Variants in NTM observed in about 807,000 individuals in gnomAD.
NTM encodes the protein IgLON family member 2.
A neutral mutation model predicts 42.1 loss-of-function variants in NTM; 13 were observed. The ratio of observed to expected loss-of-function variants is 0.31; its 90% CI spans 0.20 to 0.49. NTM has a LOEUF of 0.49. Among genes scored for constraint, NTM ranks in the 20% least tolerant of loss-of-function variants. NTM has a pLI of 0.99. For missense variants in NTM, 373 were observed against 452.8 expected (o/e 0.82, Z 1.60); for synonymous variants, 187 against 179.2 (o/e 1.04, Z -0.35).
chr11:131,424,308 G>A (rs1042024725), intron 1 of NTM, among the ~76,000 whole-genome samples: 2 of 152,096 alleles, frequency 1.3e-5, no homozygotes, highest in African/African-American at 4.8e-5. Flanking sequence ...AGGCTGCCAG[G>A]AGCTCAGTGC....
chr11:131,626,080 ATAAAT>A (rs1475589365), intron 1 of NTM, among the ~76,000 whole-genome samples: 2 of 152,144 alleles, frequency 1.3e-5, no homozygotes, highest in Non-Finnish European at 2.9e-5. Flanking sequence ...AAGGGATGAG[ATAAAT>A]TCAATTTATT....
intron 3 of NTM, among the ~76,000 whole-genome samples, chr11:132,172,841 A>C (rs1158525258): frequency 6.6e-6 from 1 of 152,176 alleles, no homozygotes; most frequent in Non-Finnish European, 1.5e-5. Context: ...CTTTGTTTCG[A>C]TCGCTTTTGC....
chr11:132,142,125 C>T (rs866513499), intron 2 of NTM, among the ~76,000 whole-genome samples: 23 of 152,252 alleles, frequency 1.5e-4, no homozygotes, highest in South Asian at 1.2e-3. Context: ...AGGTTGTGGA[C>T]GAAAGGGGAG....
chr11:131,501,250 T>C (rs1300780863), intron 1 of NTM, among the ~76,000 whole-genome samples: 1 of 151,898 alleles, frequency 6.6e-6, no homozygotes, highest in Non-Finnish European at 1.5e-5. Flanking sequence ...GTGGTGAGTG[T>C]TGTGAAGAAT....
chr11:132,270,828 G>A (rs1243585790), intron 4 of NTM, among the ~76,000 whole-genome samples: 2 of 152,010 alleles, frequency 1.3e-5, no homozygotes, highest in Non-Finnish European at 2.9e-5. Flanking sequence ...CTTTGTGTAT[G>A]TGTGTATTAC....
intron 1 of NTM, among the ~76,000 whole-genome samples, chr11:131,543,628 C>T (rs1391077623): frequency 2.0e-5 from 3 of 152,204 alleles, no homozygotes; most frequent in African/African-American, 7.2e-5. Flanking sequence ...TAGCAGCTCC[C>T]ACATGAGCTG....
chr11:132,189,262 A>C (rs1228634610), intron 3 of NTM, among the ~76,000 whole-genome samples: 4 of 152,190 alleles, frequency 2.6e-5, no homozygotes, highest in Non-Finnish European at 5.9e-5. Context: ...CTGGGAAAGA[A>C]ATAGCCCAAA....
chr11:131,968,391 A>G (rs145920070), intron 2 of NTM, among the ~76,000 whole-genome samples: 1 of 152,254 alleles, frequency 6.6e-6, no homozygotes, highest in Non-Finnish European at 1.5e-5. Flanking sequence ...GCCATTGAAC[A>G]GTTCATGATC....
intron 2 of NTM, among the ~76,000 whole-genome samples, chr11:132,048,194 G>A (rs965170709): frequency 1.1e-4 from 16 of 152,094 alleles, no homozygotes; most frequent in Non-Finnish European, 2.2e-4. Flanking sequence ...CCAATCCCTG[G>A]GGATCCTCTC....
At chr11:131,538,018 C>T (rs751406238) in intron 1 of NTM, 20 of 152,346 alleles carry the variant, frequency 1.3e-4, no homozygotes, top group Non-Finnish European at 1.9e-4. Context: ...CATTTTGTGA[C>T]GCAGCCTCTG....
intron 1 of NTM, among the ~76,000 whole-genome samples, chr11:131,824,538 G>A (rs576911448): frequency 2.0e-5 from 3 of 152,276 alleles, no homozygotes; most frequent in South Asian, 4.1e-4. Context: ...ATTCTGCTTG[G>A]ACTACATTTA....
Position 131,744,255 on chromosome 11 carries a change from A to G in NTM, c.83-167309A>G, listed in dbSNP as rs372415935. On this transcript the variant is annotated intron_variant, in intron 1 of 8. Coordinates refer to ENST00000683400, the MANE Select transcript of NTM (RefSeq NM_001352005.2). ...TGCTAAGTATTACTAAATTCCATAC[A>G]AATAATTTGCAATTTAACATCTAAA... 1.7e-3 allele frequency among the ~76,000 whole-genome samples: 264 copies of G among 152,346 alleles called. 2 individuals carry two copies. The highest frequency in any genetic ancestry group is 6.1e-3 in the African/African-American group (253 of 41,584).
chr11:132,129,624 T>C (rs2066469810), intron 2 of NTM, among the ~76,000 whole-genome samples: 1 of 152,266 alleles, frequency 6.6e-6, no homozygotes, highest in Admixed American at 6.5e-5. Flanking sequence ...CTGTGGGCTC[T>C]ACCTCAAAGT....
chr11:131,831,107 A>C (rs530849475), intron 1 of NTM, among the ~76,000 whole-genome samples: 2 of 152,308 alleles, frequency 1.3e-5, no homozygotes, highest in African/African-American at 4.8e-5. Flanking sequence ...TCACATCATC[A>C]GCAAAGAAAG....
At chr11:131,976,418 A>C (rs2064391661) in intron 2 of NTM, among the ~76,000 whole-genome samples, 1 of 151,998 alleles carries the variant, frequency 6.6e-6, no homozygotes, top group South Asian at 2.1e-4. Flanking sequence ...GTTGCCTTTT[A>C]CCTTGGATGA....
At chr11:131,865,135 C>T (rs2137002433) in intron 1 of NTM, among the ~76,000 whole-genome samples, 1 of 152,294 alleles carries the variant, frequency 6.6e-6, no homozygotes, top group South Asian at 2.1e-4. Context: ...TACAAGTCCC[C>T]AAAGGCAGGT....
chr11:131,921,286 T>C (rs922117801), intron 2 of NTM, among the ~76,000 whole-genome samples: 1 of 152,008 alleles, frequency 6.6e-6, no homozygotes, highest in East Asian at 1.9e-4. Context: ...ACTGGTGTTC[T>C]GGTAAAAAGA....
intron 2 of NTM, among the ~76,000 whole-genome samples, chr11:132,058,288 C>T (rs1424475664): frequency 2.6e-5 from 4 of 152,068 alleles, no homozygotes; most frequent in Non-Finnish European, 2.9e-5. Context: ...GTGCTGGTTT[C>T]GGTAAAAATG....
intron 1 of NTM, among the ~76,000 whole-genome samples, chr11:131,866,210 CACAT>C (rs1167511853): frequency 6.6e-6 from 1 of 152,276 alleles, no homozygotes; most frequent in Admixed American, 6.5e-5. Flanking sequence ...GCTGCACACA[CACAT>C]GCATGCGTTG....
Sources: allele counts gnomAD v4.1 joint callset (sites outside exome capture counted in the v4.1 genomes callset), GRCh38; gene constraint gnomAD v4.1.1; transcripts MANE v1.5; gene names NCBI Gene and HGNC (gene_info 2026-07-23, HGNC 2026-07-21).